Variants in DNAH7 observed in about 807,000 individuals in gnomAD.
DNAH7 encodes the protein axonemal beta dynein heavy chain 7.
A neutral mutation model predicts 444.6 loss-of-function variants in DNAH7; 397 were observed. That is an observed-to-expected ratio of 0.89 (90% CI 0.82 to 0.97). The LOEUF (loss-of-function observed/expected upper bound fraction) is 0.97, where lower values mean the gene tolerates loss of function less well. Among genes scored for constraint, DNAH7 ranks in the 50% least tolerant of loss-of-function variants. DNAH7 has a pLI of 0.00. For missense variants in DNAH7, 4,902 were observed against 4,800.8 expected (o/e 1.02, Z -0.62); for synonymous variants, 1,636 against 1,624.4 (o/e 1.01, Z -0.17).
intron 64 of DNAH7, 27 bp from the exon 65 acceptor site, chr2:195,738,154 T>TAAGTC: frequency 6.3e-7 from 1 of 1,590,818 alleles, no homozygotes; most frequent in Non-Finnish European, 8.6e-7. Context: ...AACACCTCTT[T>TAAGTC]AAGTCAAGGC....
At chr2:196,067,248 A>G (rs1698478232) in intron 1 of DNAH7, among the ~76,000 whole-genome samples, 1 of 152,216 alleles carries the variant, frequency 6.6e-6, no homozygotes, top group African/African-American at 2.4e-5. Context: ...GAAATGTGGT[A>G]AAAGTGTATT....
chr2:196,025,820 G>A (rs1695650395), intron 7 of DNAH7, among the ~76,000 whole-genome samples: 2 of 152,008 alleles, frequency 1.3e-5, no homozygotes, highest in Admixed American at 1.3e-4. Flanking sequence ...TACAATGAAT[G>A]TCCTCCACCA....
chr2:195,740,902 T>C lies in DNAH7; in HGVS notation c.11765-33A>G, dbSNP rs201834016. On this transcript the variant is annotated intron_variant, in intron 63 of 64. Coordinates refer to ENST00000312428, the MANE Select transcript of DNAH7 (RefSeq NM_018897.3). The stretch of plus-strand genomic sequence containing the variant: ...TAAAAGAAACACATTAATATAACAC[T>C]TGAAATATGCATTTTGATTGAGTTC... 519 of 1,323,760 alleles carry C rather than the reference T, an allele frequency of 3.9e-4. 1 individual carries two copies. Among genetic ancestry groups the C allele is most frequent in the Middle Eastern group, 1.1e-3 (6 of 5,258 alleles). 82.0% of individuals were successfully genotyped at this position (1,323,760 alleles called of 1,614,324 possible). A position where few individuals can be genotyped will look rare whatever the true frequency, so the allele number is the denominator to read the frequency against.
At chr2:195,926,668 C>T in intron 21 of DNAH7, 102 bp from the exon 22 acceptor site, 1 of 1,069,806 alleles carries the variant, frequency 9.3e-7, no homozygotes, top group African/African-American at 1.6e-5. Context: ...CAATTTTTTA[C>T]AACATTCTTA....
intron 27 of DNAH7, chr2:195,904,021 TATAA>T (rs1686865302): frequency 6.6e-6 from 1 of 152,192 alleles, no homozygotes. Context: ...ACTGAAGCTC[TATAA>T]GTGCTGCCCT....
At chr2:195,829,228 ATC>A (rs1205822330) in intron 48 of DNAH7, among the ~76,000 whole-genome samples, 2 of 152,294 alleles carry the variant, frequency 1.3e-5, no homozygotes, top group Admixed American at 1.3e-4. Context: ...TTTGGAATAT[ATC>A]TCTTCCACTG....
In DNAH7 at chr2:195,799,381, T is replaced by G; in HGVS notation, c.10268A>C (p.Asp3423Ala). The change falls in exon 55 of 65, where the codon GAC becomes GCC. Residue 3423 changes from aspartate to alanine, a missense_variant. Physicochemically the swap from Asp to Ala is moderately radical, Grantham distance 126. Transcript: ENST00000312428. ...PPFDLAKAFG[D>A]SNCCAPLIFV... ...AATCAGTGGTGCACAGCAGTTACTG[T>G]CTCCAAATGCCTTGGCTAAATCAAA... 6.2e-7 allele frequency: 1 copy of G among 1,612,724 alleles called. No individual in the cohort carries two copies. Among genetic ancestry groups the G allele is most frequent in the Non-Finnish European group, 8.5e-7 (1 of 1,179,368 alleles).
intron 24 of DNAH7, among the ~76,000 whole-genome samples, chr2:195,918,706 A>G (rs905683779): frequency 5.9e-5 from 9 of 152,220 alleles, no homozygotes; most frequent in Non-Finnish European, 1.0e-4. Flanking sequence ...ATATATATAC[A>G]TGACAAAAAT....
At chr2:196,027,816 G>A (rs1025688820) in intron 6 of DNAH7, 144 bp downstream of exon 6, 1 of 609,422 alleles carries the variant, frequency 1.6e-6, no homozygotes. Flanking sequence ...AAATCCCATG[G>A]TGCCTTTTTA....
chr2:195,961,340 G>A (rs1368255637), intron 17 of DNAH7, among the ~76,000 whole-genome samples: 2 of 151,352 alleles, frequency 1.3e-5, no homozygotes, highest in Non-Finnish European at 1.5e-5. Context: ...ATACCTAAAC[G>A]TATTCCTCCT....
intron 19 of DNAH7, among the ~76,000 whole-genome samples, chr2:195,944,910 A>G (rs965517047): frequency 2.0e-5 from 3 of 151,992 alleles, no homozygotes; most frequent in African/African-American, 7.3e-5. Flanking sequence ...TTCTTATCAT[A>G]TTGACCTATT....
chr2:195,809,758 A>G lies in DNAH7; in HGVS notation c.9875T>C (p.Leu3292Pro). Reference protein sequence around the residue: ...FSFCLTINLLLHERAINKAEW... With the variant: ...FSFCLTINLLPHERAINKAEW... ...AACAGTACTGACCGCCCGCTCATGC[A>G]GCAGTAGATTTATGGTTAGACAAAA... Residue 3292 changes from leucine (L) to proline (P), a missense_variant, in exon 52 of 65, where the codon CTG becomes CCG. Transcript: ENST00000312428. 1 of 1,590,582 alleles carries G rather than the reference A, an allele frequency of 6.3e-7. No homozygotes were observed.
chr2:195,853,445 T>A lies in DNAH7; in HGVS notation c.8679A>T (p.Thr2893=), dbSNP rs2125046112. ...LGGEKTRWSH[T]ALELGQLYIN... ...TGTACAGCTGACCTAGCTCCAGAGC[T>A]GTGTGGCTCCATCGAGTTTTCTCAC... Residue 2893 remains threonine (T), a synonymous_variant, in exon 46 of 65, where the codon ACA becomes ACT. Transcript: ENST00000312428. The A allele has an allele frequency of 6.2e-7, 1 of 1,614,146 alleles. No homozygotes were observed. The highest frequency in any genetic ancestry group is 1.3e-5 in the African/African-American group (1 of 75,050).
rs1688933972 is a variant in DNAH7, at chr2:195,934,716, G to A, written c.3346C>T (p.His1116Tyr). The change falls in exon 21 of 65, where the codon CAC becomes TAC. Residue 1116 changes from histidine (H) to tyrosine (Y), a missense_variant. Physicochemically the swap from His to Tyr is moderately conservative, Grantham distance 83 (BLOSUM62 2). Transcript: ENST00000312428. ...VEFTETLDIT[H>Y]MKSSEGEVVE... The stretch of plus-strand genomic sequence containing the variant: ...ACCTCTCCTTCGCTGCTCTTCATGT[G>A]AGTAATGTCTAAAGTTTCCGTAAAT... 5 of 1,613,946 alleles carry A rather than the reference G, an allele frequency of 3.1e-6. No homozygotes were observed. Among genetic ancestry groups the A allele is most frequent in the Non-Finnish European group, 4.2e-6 (5 of 1,179,990 alleles).
intron 1 of DNAH7, among the ~76,000 whole-genome samples, 163 bp from the exon 2 acceptor site, chr2:196,058,279 A>G (rs1697933895): frequency 1.3e-5 from 2 of 152,240 alleles, no homozygotes; most frequent in Non-Finnish European, 2.9e-5. Context: ...ATCTTAAATA[A>G]TTCATCAAAA....
rs375236813 is a variant in DNAH7 at position 195,794,267 on chromosome 2, C to T, written c.10716+71G>A. On this transcript the variant is annotated intron_variant, in intron 57 of 64. Transcript: ENST00000312428. ...AATTTTTAGTTTTACTCAGTGCACACATCCATGATCACCAGGGGCCACTTG... is the reference window on the plus strand; with the variant it reads ...AATTTTTAGTTTTACTCAGTGCACATATCCATGATCACCAGGGGCCACTTG... The T allele has an allele frequency of 6.5e-4, 937 of 1,452,014 alleles. 1 individual carries two copies. Among genetic ancestry groups the T allele is most frequent in the Non-Finnish European group, 8.3e-4 (861 of 1,035,646 alleles). The allele number at this position is 1,452,014 out of a possible 1,614,324, so 89.9% of individuals were successfully genotyped here.
rs1262360057 is a variant in DNAH7, at chr2:196,068,535, C to A, written c.15+162G>T. Reference sequence around the variant, plus strand: ...GGAAGGGAACTTATAAGGGCATTCACGGAAAGCGCTCAGTAACCCAGGCCA... The same window carrying A: ...GGAAGGGAACTTATAAGGGCATTCAAGGAAAGCGCTCAGTAACCCAGGCCA... On this transcript the variant is annotated intron_variant, in intron 1 of 64. Transcript: ENST00000312428. 2.0e-5 allele frequency: 18 copies of A among 921,802 alleles called. No homozygotes were observed. In the African/African-American group the frequency reaches 2.9e-4, roughly 15 times the overall value. 57.1% of individuals were successfully genotyped at this position (921,802 alleles called of 1,614,324 possible). A position where few individuals can be genotyped will look rare whatever the true frequency, so the allele number is the denominator to read the frequency against.
intron 15 of DNAH7, among the ~76,000 whole-genome samples, chr2:195,976,747 C>CAGAG (rs60653466): frequency 0.045 from 4,068 of 90,478 alleles, 233 homozygotes; most frequent in Middle Eastern, 0.12. Flanking sequence ...GAGAGGCAGA[C>CAGAG]AGAGAGAGAG....
intron 57 of DNAH7, among the ~76,000 whole-genome samples, chr2:195,789,975 G>C (rs184918470): frequency 1.5e-3 from 223 of 152,214 alleles, no homozygotes; most frequent in African/African-American, 5.1e-3. Context: ...CTTCAGTAAA[G>C]TTTCAGAATA....
Sources: allele counts gnomAD v4.1 joint callset (sites outside exome capture counted in the v4.1 genomes callset), GRCh38; gene constraint gnomAD v4.1.1; transcripts MANE v1.5; gene names NCBI Gene and HGNC (gene_info 2026-07-23, HGNC 2026-07-21).